ACSS3: variants seen among roughly 807,000 people sequenced by gnomAD.
ACSS3 encodes acyl-CoA synthetase short chain family member 3.
In ACSS3, 64 loss-of-function variants were observed where a neutral mutation model predicts 84.2. The observed-to-expected ratio is 0.76, with a 90% CI of 0.62 to 0.94. The LOEUF (loss-of-function observed/expected upper bound fraction) is 0.94, where lower values mean the gene tolerates loss of function less well. Ranked by LOEUF, ACSS3 falls within the 40% of genes least tolerant of loss-of-function variation. The probability of loss-of-function intolerance (pLI) is 0.00; values close to 1 mark genes in which losing one functional copy is unlikely to be tolerated. For synonymous variants in ACSS3, 317 were observed against 310.1 expected (o/e 1.02, Z -0.23); for missense variants, 815 against 867.6 (o/e 0.94, Z 0.76).
intron 7 of ACSS3, among the ~76,000 whole-genome samples, chr12:81,168,355 CT>C (rs564846962): frequency 7.1e-4 from 108 of 152,202 alleles, no homozygotes; most frequent in African/African-American, 2.6e-3. Flanking sequence ...TTTATAGACG[CT>C]TATTAGAATC....
chr12:81,099,725 T>C (rs2121407499), intron 1 of ACSS3, among the ~76,000 whole-genome samples: 1 of 152,338 alleles, frequency 6.6e-6, no homozygotes, highest in South Asian at 2.1e-4. Context: ...AGACTTTTTT[T>C]TTCAGTATCA....
intron 3 of ACSS3, among the ~76,000 whole-genome samples, chr12:81,137,506 G>A (rs1885872500): frequency 6.6e-6 from 1 of 152,044 alleles, no homozygotes; most frequent in Admixed American, 6.6e-5. Flanking sequence ...TTGAAATTAG[G>A]AATGATTTTG....
chr12:81,110,144 A>G (rs1883457719), intron 2 of ACSS3, among the ~76,000 whole-genome samples: 1 of 152,188 alleles, frequency 6.6e-6, no homozygotes, highest in African/African-American at 2.4e-5. Flanking sequence ...TTAAAAATCT[A>G]TTTCTTAAAA....
At chr12:81,239,304 G>A (rs2033718064) in intron 13 of ACSS3, among the ~76,000 whole-genome samples, 1 of 151,784 alleles carries the variant, frequency 6.6e-6, no homozygotes, top group Non-Finnish European at 1.5e-5. Context: ...TTCCATTTAA[G>A]TTTGAAAAAA....
intron 7 of ACSS3, among the ~76,000 whole-genome samples, chr12:81,171,793 C>A (rs1169279961): frequency 6.6e-6 from 1 of 152,052 alleles, no homozygotes; most frequent in Non-Finnish European, 1.5e-5. Flanking sequence ...GAGATTTTAT[C>A]ACTTTGTGTA....
chr12:81,089,221 T>A (rs999006228), intron 1 of ACSS3, among the ~76,000 whole-genome samples: 1 of 152,014 alleles, frequency 6.6e-6, no homozygotes, highest in African/African-American at 2.4e-5. Context: ...AAAATAGGAT[T>A]TCTTTATATG....
chr12:81,121,089 T>G (rs1674670706), intron 2 of ACSS3, among the ~76,000 whole-genome samples: 1 of 152,194 alleles, frequency 6.6e-6, no homozygotes, highest in African/African-American at 2.4e-5. Context: ...TGCAATGATC[T>G]CATGTCTTTG....
intron 9 of ACSS3, among the ~76,000 whole-genome samples, chr12:81,214,614 A>T (rs2032832092): frequency 6.6e-6 from 1 of 152,244 alleles, no homozygotes; most frequent in African/African-American, 2.4e-5. Context: ...TTCGTATATC[A>T]GCTTACTTAG....
chr12:81,194,113 G>A (rs1205312164), intron 8 of ACSS3, among the ~76,000 whole-genome samples: 2 of 151,234 alleles, frequency 1.3e-5, no homozygotes, highest in Non-Finnish European at 3.0e-5. Context: ...TGAAACAATA[G>A]GAAGATACCT....
At chr12:81,124,328 G>A (rs1451848669) in intron 2 of ACSS3, 1 of 152,072 alleles carries the variant, frequency 6.6e-6, no homozygotes. Context: ...CTAGGTAAGG[G>A]TCTCTTCTGT....
chr12:81,204,644 G>A (rs927112239), intron 9 of ACSS3, among the ~76,000 whole-genome samples: 9 of 152,108 alleles, frequency 5.9e-5, no homozygotes, highest in Non-Finnish European at 8.8e-5. Flanking sequence ...TTTATAAGGG[G>A]CAACTTAGTG....
intron 9 of ACSS3, among the ~76,000 whole-genome samples, chr12:81,216,680 T>C (rs2032927712): frequency 6.6e-6 from 1 of 152,196 alleles, no homozygotes; most frequent in Non-Finnish European, 1.5e-5. Context: ...CACTACTATA[T>C]AAATTTTTCT....
At chr12:81,118,708 G>T (rs1332724339) in intron 2 of ACSS3, among the ~76,000 whole-genome samples, 2 of 152,114 alleles carry the variant, frequency 1.3e-5, no homozygotes, top group Non-Finnish European at 2.9e-5. Context: ...AGTCTCATAG[G>T]TGGCATGCTA....
chr12:81,108,540 G>A (rs1278578764), intron 1 of ACSS3, among the ~76,000 whole-genome samples: 2 of 152,022 alleles, frequency 1.3e-5, no homozygotes, highest in African/African-American at 2.4e-5. Flanking sequence ...GCCTCCCAAA[G>A]TGCTGGGATT....
chr12:81,188,548 T>C (rs2031399043), intron 8 of ACSS3, among the ~76,000 whole-genome samples: 1 of 152,108 alleles, frequency 6.6e-6, no homozygotes, highest in African/African-American at 2.4e-5. Context: ...AAAATATGCC[T>C]TATCCTGACC....
intron 2 of ACSS3, among the ~76,000 whole-genome samples, chr12:81,131,218 A>G (rs890214246): frequency 6.6e-6 from 1 of 152,202 alleles, no homozygotes; most frequent in Non-Finnish European, 1.5e-5. Context: ...TACCTTGGGC[A>G]GTATGGCCAT....
At chr12:81,132,468 G>A (rs1182719689) in intron 2 of ACSS3, among the ~76,000 whole-genome samples, 5 of 151,774 alleles carry the variant, frequency 3.3e-5, no homozygotes, top group Non-Finnish European at 5.9e-5. Flanking sequence ...TGGGATCGGT[G>A]GTGATATCCC....
At chr12:81,114,105 A>C (rs1048188130) in intron 2 of ACSS3, among the ~76,000 whole-genome samples, 2 of 151,992 alleles carry the variant, frequency 1.3e-5, no homozygotes, top group Admixed American at 6.6e-5. Context: ...ATTTTTATGT[A>C]TTTATTCACT....
At chr12:81,244,238 CTTCTCTATAGGTAAGGTGT>C in intron 13 of ACSS3, among the ~76,000 whole-genome samples, 1 of 152,160 alleles carries the variant, frequency 6.6e-6, no homozygotes, top group African/African-American at 2.4e-5. Flanking sequence ...CTTATCTTTG[CTTCTCTATAGGTAAGGTGT>C]TTCTCCCTCC....
Sources: allele counts gnomAD v4.1 joint callset (sites outside exome capture counted in the v4.1 genomes callset), GRCh38; gene constraint gnomAD v4.1.1; transcripts MANE v1.5; gene names NCBI Gene and HGNC (gene_info 2026-07-23, HGNC 2026-07-21).